JAKMIP2: variants seen among roughly 807,000 people sequenced by gnomAD.
JAKMIP2 encodes janus kinase and microtubule-interacting protein 2.
A neutral mutation model predicts 115.0 loss-of-function variants in JAKMIP2; 25 were observed. That is an observed-to-expected ratio of 0.22 (90% CI 0.16 to 0.30). The LOEUF (loss-of-function observed/expected upper bound fraction) is 0.30. Among genes scored for constraint, JAKMIP2 ranks in the 10% least tolerant of loss-of-function variants. The pLI, the probability that JAKMIP2 is intolerant of heterozygous loss-of-function variation, is 1.00. For missense variants in JAKMIP2, 642 were observed against 957.6 expected (o/e 0.67, Z 4.35); for synonymous variants, 334 against 343.6 (o/e 0.97, Z 0.31).
chr5:147,688,523 A>T (rs1292496000), intron 1 of JAKMIP2, among the ~76,000 whole-genome samples: 1 of 152,216 alleles, frequency 6.6e-6, no homozygotes, highest in Non-Finnish European at 1.5e-5. Context: ...GATTAAATGC[A>T]ACTAATAATA....
intron 1 of JAKMIP2, among the ~76,000 whole-genome samples, chr5:147,757,523 A>G (rs1374476064): frequency 6.6e-6 from 1 of 152,076 alleles, no homozygotes; most frequent in Non-Finnish European, 1.5e-5. Flanking sequence ...CTGGTTCTGG[A>G]GTCTAATCGT....
intron 4 of JAKMIP2, 51 bp downstream of exon 4, chr5:147,650,287 C>A (rs1758332059): frequency 8.6e-7 from 1 of 1,161,590 alleles, no homozygotes; most frequent in African/African-American, 1.5e-5. Context: ...AACTTGGGAG[C>A]TAAATAAAAG....
intron 1 of JAKMIP2, among the ~76,000 whole-genome samples, chr5:147,721,801 A>AC (rs1282300652): frequency 1.3e-5 from 2 of 151,900 alleles, no homozygotes; most frequent in Admixed American, 1.3e-4. Flanking sequence ...TGCAGAAATC[A>AC]CCGTCTTCTG....
At position 147,742,163 on chromosome 5, in the gene JAKMIP2, T is replaced by TTTA. The variant is rs1413650418; in HGVS notation, c.-149+40292_-149+40293insTAA. Among the ~76,000 whole-genome samples, 45 of 90,636 alleles carry TTTA rather than the reference T, an allele frequency of 5.0e-4. 1 individual carries two copies. Among genetic ancestry groups the TTTA allele is most frequent in the African/African-American group, 2.5e-3 (43 of 17,098 alleles). 59.5% of individuals were successfully genotyped at this position (90,636 alleles called of 152,430 possible). ...ATTATATATATATATATATTTTTTTTACTATTGTATTGTATCTTTCAGTGG... is the reference window on the plus strand; with the variant it reads ...ATTATATATATATATATATTTTTTTTTTAACTATTGTATTGTATCTTTCAGTGG... On this transcript the variant is annotated intron_variant, in intron 1 of 21. Coordinates refer to ENST00000616793, the MANE Select transcript of JAKMIP2 (RefSeq NM_001270941.2).
intron 4 of JAKMIP2, among the ~76,000 whole-genome samples, chr5:147,649,543 C>T: frequency 6.6e-6 from 1 of 152,092 alleles, no homozygotes; most frequent in Non-Finnish European, 1.5e-5. Context: ...CTCTTGACAA[C>T]TATGCTATAT....
At chr5:147,638,851 T>C (rs1277223155) in intron 10 of JAKMIP2, among the ~76,000 whole-genome samples, 2 of 152,184 alleles carry the variant, frequency 1.3e-5, no homozygotes, top group African/African-American at 4.8e-5. Context: ...TCTACTAAGC[T>C]ATTATTTCCT....
intron 1 of JAKMIP2, among the ~76,000 whole-genome samples, chr5:147,694,824 T>G (rs1023390353): frequency 3.3e-5 from 5 of 152,214 alleles, no homozygotes; most frequent in Non-Finnish European, 7.3e-5. Flanking sequence ...CACAGAGTAC[T>G]CAACTGTTTT....
At chr5:147,620,962 C>A (rs1399186060) in intron 17 of JAKMIP2, among the ~76,000 whole-genome samples, 1 of 152,132 alleles carries the variant, frequency 6.6e-6, no homozygotes, top group Non-Finnish European at 1.5e-5. Context: ...AATGAAAAAT[C>A]CACATAGAAT....
chr5:147,629,809 G>A, intron 14 of JAKMIP2, 63 bp from the exon 15 acceptor site: 1 of 1,307,500 alleles, frequency 7.6e-7, no homozygotes, highest in Non-Finnish European at 1.1e-6. Flanking sequence ...ATCAGTGCCT[G>A]AACATGAAGT....
chr5:147,637,004 T>C lies in JAKMIP2; in HGVS notation c.1575A>G (p.Lys525=), dbSNP rs762494362. ...LQAEVLRYKA[K]IEDLEATLAQ... ...CCAGAGTCGCTTCCAGGTCTTCAAT[T>C]TTGGCTTTATACCTTAGCACCTCTG... Residue 525 remains lysine, a synonymous_variant, in exon 11 of 22, where the codon AAA becomes AAG. Coordinates refer to ENST00000616793, the MANE Select transcript of JAKMIP2 (RefSeq NM_001270941.2). 3.4e-6 allele frequency: 3 copies of C among 872,902 alleles called. No homozygotes were observed. The highest frequency in any genetic ancestry group is 2.0e-6 in the Non-Finnish European group (1 of 501,662). The allele number at this position is 872,902 out of a possible 1,614,324, so 54.1% of individuals were successfully genotyped here.
chr5:147,741,529 A>G (rs1052764169), intron 1 of JAKMIP2, among the ~76,000 whole-genome samples: 1 of 152,124 alleles, frequency 6.6e-6, no homozygotes, highest in Non-Finnish European at 1.5e-5. Flanking sequence ...TACTTTTAAA[A>G]TTCACCAGAA....
chr5:147,677,736 A>G (rs1355984424), intron 1 of JAKMIP2, among the ~76,000 whole-genome samples: 1 of 152,246 alleles, frequency 6.6e-6, no homozygotes, highest in South Asian at 2.1e-4. Flanking sequence ...TTTATGGTGT[A>G]CAATATGATG....
At chr5:147,595,098 G>A (rs983875199) in intron 21 of JAKMIP2, among the ~76,000 whole-genome samples, 6 of 152,138 alleles carry the variant, frequency 3.9e-5, no homozygotes, top group African/African-American at 1.4e-4. Flanking sequence ...GACCTTTAAT[G>A]AGCCTTTCTA....
chr5:147,648,312 A>G (rs1758230720), intron 5 of JAKMIP2, 64 bp downstream of exon 5: 2 of 821,980 alleles, frequency 2.4e-6, no homozygotes, highest in Non-Finnish European at 2.1e-6. Flanking sequence ...TCTATAACAT[A>G]GTATGTAATT....
At position 147,782,625 on chromosome 5, in the gene JAKMIP2, C is replaced by T. The variant is rs1580922591; in HGVS notation, c.-318G>A. ...ATGGTGCGAATAGGAACCACCCTTC[C>T]AGCCCCACTAGAGTATCAGCAATAG... On this transcript the variant is annotated 5_prime_UTR_variant, in exon 1 of 22. Transcript: ENST00000616793. The T allele has an allele frequency of 1.7e-5, 12 of 714,978 alleles. No homozygotes were observed. In the East Asian group the frequency reaches 3.0e-4, roughly 18 times the overall value. The allele number at this position is 714,978 out of a possible 1,614,324, so 44.3% of individuals were successfully genotyped here.
At chr5:147,675,315 A>T (rs1266267118) in intron 1 of JAKMIP2, among the ~76,000 whole-genome samples, 1 of 152,164 alleles carries the variant, frequency 6.6e-6, no homozygotes, top group Non-Finnish European at 1.5e-5. Context: ...GCATCAGCCT[A>T]TGGGTGCCTT....
At chr5:147,741,002 C>T (rs1038201739) in intron 1 of JAKMIP2, among the ~76,000 whole-genome samples, 1 of 152,040 alleles carries the variant, frequency 6.6e-6, no homozygotes, top group African/African-American at 2.4e-5. Context: ...CCACTATCGC[C>T]TCATATCATA....
At position 147,594,371 on chromosome 5, in the gene JAKMIP2, G is replaced by C. The variant is rs1477184074; in HGVS notation, c.*21-2685C>G. The C allele has an allele frequency of 7.1e-6, 3 of 423,438 alleles. No homozygotes were observed. The Admixed American group carries it at 7.2e-5, about 10-fold the overall frequency. 26.2% of individuals were successfully genotyped at this position (423,438 alleles called of 1,614,324 possible). A position where few individuals can be genotyped will look rare whatever the true frequency, so the allele number is the denominator to read the frequency against. On this transcript the variant is annotated intron_variant, in intron 21 of 21. Coordinates refer to ENST00000616793, the MANE Select transcript of JAKMIP2 (RefSeq NM_001270941.2). ...TCTTTTTGATACAGGGTCTTGCTTTGTTGCTCAGGATGGAGTACAGTGGTG... is the reference window on the plus strand; with the variant it reads ...TCTTTTTGATACAGGGTCTTGCTTTCTTGCTCAGGATGGAGTACAGTGGTG...
At chr5:147,693,812 G>T (rs1404267234) in intron 1 of JAKMIP2, among the ~76,000 whole-genome samples, 2 of 152,060 alleles carry the variant, frequency 1.3e-5, no homozygotes, top group Non-Finnish European at 2.9e-5. Flanking sequence ...TTAACTGAAT[G>T]GTTTAAATCC....
Sources: allele counts gnomAD v4.1 joint callset (sites outside exome capture counted in the v4.1 genomes callset), GRCh38; gene constraint gnomAD v4.1.1; transcripts MANE v1.5; gene names NCBI Gene and HGNC (gene_info 2026-07-23, HGNC 2026-07-21).